The following SLC71A2 variants were observed in gnomAD, a reference collection of about 807,000 sequenced individuals.
SLC71A2 encodes hippocampus abundant transcript-like 1.
chr9:94,440,866 TACATATACAA>T, the SLC71A2 span: 1 of 553,646 alleles, frequency 1.8e-6, no homozygotes, highest in Non-Finnish European at 3.2e-6. Flanking sequence ...TAAGTATACA[TACATATACAA>T]GTATACTTAT....
chr9:94,444,833 C>T, the SLC71A2 span: 3 of 722,302 alleles, frequency 4.2e-6, no homozygotes, highest in African/African-American at 1.8e-5. Context: ...TGCAGGTATG[C>T]ACCTGTGGGA....
chr9:94,450,155 A>G, the SLC71A2 span, among the ~76,000 whole-genome samples: 1 of 152,156 alleles, frequency 6.6e-6, no homozygotes, highest in Admixed American at 6.5e-5. Flanking sequence ...CTTTGGATAT[A>G]CTAAAACCAT....
At chr9:94,458,195 G>A in the SLC71A2 span, 1 of 615,180 alleles carries the variant, frequency 1.6e-6, no homozygotes, top group Non-Finnish European at 2.5e-6. Flanking sequence ...ACTTTCATTA[G>A]CATGCTTTCT....
chr9:94,379,226 A>G, the SLC71A2 span, among the ~76,000 whole-genome samples: 2 of 150,950 alleles, frequency 1.3e-5, no homozygotes, highest in African/African-American at 2.4e-5. Flanking sequence ...AGCTGGGATT[A>G]CAGGCTTGTG....
the SLC71A2 span, among the ~76,000 whole-genome samples, chr9:94,407,752 C>T: frequency 6.6e-6 from 1 of 152,042 alleles, no homozygotes; most frequent in Non-Finnish European, 1.5e-5. Flanking sequence ...ATTTTGCTCT[C>T]TGTGGTTTTG....
At chr9:94,395,685 C>G in the SLC71A2 span, among the ~76,000 whole-genome samples, 1 of 152,154 alleles carries the variant, frequency 6.6e-6, no homozygotes, top group Admixed American at 6.5e-5. Context: ...CGTTCACAAG[C>G]CCTCCCACAT....
chr9:94,425,814 ATAAAC>A, the SLC71A2 span, among the ~76,000 whole-genome samples: 3 of 152,122 alleles, frequency 2.0e-5, no homozygotes, highest in African/African-American at 4.8e-5. Flanking sequence ...TTAAAAAACT[ATAAAC>A]TAAGTTTCTC....
chr9:94,457,940 T>C, the SLC71A2 span, among the ~76,000 whole-genome samples: 1 of 152,186 alleles, frequency 6.6e-6, no homozygotes, highest in Non-Finnish European at 1.5e-5. Flanking sequence ...AGATGAAGTC[T>C]GCCTACTGGG....
the SLC71A2 span, among the ~76,000 whole-genome samples, chr9:94,449,715 C>T: frequency 6.6e-6 from 1 of 152,196 alleles, no homozygotes; most frequent in African/African-American, 2.4e-5. Flanking sequence ...AGCAAATATA[C>T]TCCTAGGTAT....
the SLC71A2 span, among the ~76,000 whole-genome samples, chr9:94,420,018 T>G: frequency 6.6e-6 from 1 of 152,226 alleles, no homozygotes. Flanking sequence ...AAGTGCATTC[T>G]TACTTCAGGC....
At chr9:94,443,342 C>T in the SLC71A2 span, among the ~76,000 whole-genome samples, 1 of 152,140 alleles carries the variant, frequency 6.6e-6, no homozygotes, top group South Asian at 2.1e-4. Context: ...GTCTACCTAT[C>T]TTCTAGATAT....
At chr9:94,379,248 G>A in the SLC71A2 span, among the ~76,000 whole-genome samples, 15,583 of 150,694 alleles carry the variant, frequency 0.1, 1,452 homozygotes, top group East Asian at 0.35. Flanking sequence ...CACCATGCCC[G>A]GATAATTTTG....
the SLC71A2 span, among the ~76,000 whole-genome samples, chr9:94,375,523 G>A: frequency 6.6e-6 from 1 of 152,076 alleles, no homozygotes; most frequent in Admixed American, 6.6e-5. Flanking sequence ...AACTGGCCTG[G>A]TTTCGGCAGA....
At chr9:94,382,042 C>A in the SLC71A2 span, among the ~76,000 whole-genome samples, 1 of 151,152 alleles carries the variant, frequency 6.6e-6, no homozygotes, top group Non-Finnish European at 1.5e-5. Context: ...TTTTTTCCTC[C>A]TCCGGCAGAG....
the SLC71A2 span, among the ~76,000 whole-genome samples, chr9:94,429,913 T>TA: frequency 4.2e-4 from 63 of 150,296 alleles, no homozygotes; most frequent in South Asian, 3.4e-3. Context: ...TATTTTATTT[T>TA]TTTTTTTTTT....
chr9:94,446,016 C>G, the SLC71A2 span, among the ~76,000 whole-genome samples: 1 of 152,186 alleles, frequency 6.6e-6, no homozygotes, highest in South Asian at 2.1e-4. Flanking sequence ...TCCCACCTTC[C>G]TTTGTAGTGA....
At chr9:94,452,047 T>A in the SLC71A2 span, among the ~76,000 whole-genome samples, 1 of 152,196 alleles carries the variant, frequency 6.6e-6, no homozygotes, top group African/African-American at 2.4e-5. Flanking sequence ...TAGGAGAACT[T>A]TGATACAACT....
At chr9:94,450,507 T>TTTTTTTTTTTTTTTTTTTTTTTTTC in the SLC71A2 span, among the ~76,000 whole-genome samples, 80 of 137,286 alleles carry the variant, frequency 5.8e-4, 1 homozygote, top group Non-Finnish European at 8.5e-4. Context: ...TTTTTTTTTT[T>TTTTTTTTTTTTTTTTTTTTTTTTTC]GAGATGGAGT....
chr9:94,385,319 A>G, the SLC71A2 span, among the ~76,000 whole-genome samples: 2 of 152,214 alleles, frequency 1.3e-5, no homozygotes, highest in Non-Finnish European at 2.9e-5. Flanking sequence ...AATGCATACT[A>G]TGAAGCTTTT....
Sources: allele counts gnomAD v4.1 joint callset (sites outside exome capture counted in the v4.1 genomes callset), GRCh38; gene constraint gnomAD v4.1.1; transcripts MANE v1.5; gene names NCBI Gene and HGNC (gene_info 2026-07-23, HGNC 2026-07-21).